PIK3CA: variants seen among roughly 807,000 people sequenced by gnomAD.
PIK3CA encodes phosphatidylinositol-4,5-bisphosphate 3-kinase catalytic subunit alpha.
A neutral mutation model predicts 138.2 loss-of-function variants in PIK3CA; 27 were observed. The ratio of observed to expected loss-of-function variants is 0.20; its 90% CI spans 0.14 to 0.27. PIK3CA has a LOEUF of 0.27. Ranked by LOEUF, PIK3CA falls within the 10% of genes least tolerant of loss-of-function variation. The pLI, the probability that PIK3CA is intolerant of heterozygous loss-of-function variation, is 1.00. For missense variants in PIK3CA, 544 were observed against 1,277.4 expected (o/e 0.43, Z 8.75); for synonymous variants, 358 against 413.2 (o/e 0.87, Z 1.62).
In PIK3CA at chr3:179,201,444, A is replaced by G; in HGVS notation, c.717A>G (p.Leu239=). 1 of 1,613,826 alleles carries G rather than the reference A, an allele frequency of 6.2e-7. No homozygotes were observed. The highest frequency in any genetic ancestry group is 8.5e-7 in the Non-Finnish European group (1 of 1,179,786). ...GTATGTTGCTATCCTCTGAACAACT[A>G]AAACTCTGTGTTTTAGAATATCAGG... ...TRSMLLSSEQ[L]KLCVLEYQGK... is the part of the protein sequence containing the mutation. Residue 239 remains leucine, a synonymous_variant, in exon 4 of 21, where the codon CTA becomes CTG. Transcript: ENST00000263967.
At chr3:179,168,412 C>T (rs942767927) in intron 1 of PIK3CA, among the ~76,000 whole-genome samples, 5 of 152,118 alleles carry the variant, frequency 3.3e-5, no homozygotes, top group African/African-American at 1.2e-4. Flanking sequence ...GTTTTTCCAT[C>T]TCTGAAAGCT....
intron 3 of PIK3CA, among the ~76,000 whole-genome samples, chr3:179,200,707 G>A (rs1724388919): frequency 6.6e-6 from 1 of 152,062 alleles, no homozygotes; most frequent in African/African-American, 2.4e-5. Flanking sequence ...GAAATGTACT[G>A]TGAACAACCA....
At chr3:179,149,218 C>T (rs768993484) in intron 1 of PIK3CA, among the ~76,000 whole-genome samples, 2 of 152,188 alleles carry the variant, frequency 1.3e-5, no homozygotes, top group African/African-American at 2.4e-5. Context: ...GAGACAAACG[C>T]TTAGATCTTT....
In PIK3CA at chr3:179,234,432, C is replaced by G. The variant is rs202178025; in HGVS notation, c.*68C>G. 2.2e-6 allele frequency: 3 copies of G among 1,359,992 alleles called. No homozygotes were observed. Among genetic ancestry groups the G allele is most frequent in the Admixed American group, 2.1e-5 (1 of 47,018 alleles). The allele number at this position is 1,359,992 out of a possible 1,614,324, so 84.2% of individuals were successfully genotyped here. ...TGCACTGTTAATAACTCTCAGCAGG[C>G]AAAGACCGATTGCATAGGAATTGCA... On this transcript the variant is annotated 3_prime_UTR_variant, in exon 21 of 21. Coordinates refer to ENST00000263967, the MANE Select transcript of PIK3CA (RefSeq NM_006218.4). This position sits in a 1 kb window ranked among gnomAD's most constrained non-coding sequence, Gnocchi z 5.1.
chr3:179,179,861 A>G (rs1256866670), intron 1 of PIK3CA, among the ~76,000 whole-genome samples: 1 of 152,192 alleles, frequency 6.6e-6, no homozygotes, highest in Non-Finnish European at 1.5e-5. Context: ...AAGTTTAATA[A>G]GACTGTGAAG....
chr3:179,200,047 A>G, intron 3 of PIK3CA, 148 bp downstream of exon 3: 1 of 488,074 alleles, frequency 2.0e-6, no homozygotes, highest in Non-Finnish European at 3.6e-6. Context: ...GATATAGTTG[A>G]GTGCTAAATA....
chr3:179,206,444 G>A (rs1232622826), intron 6 of PIK3CA, among the ~76,000 whole-genome samples: 2 of 152,086 alleles, frequency 1.3e-5, no homozygotes, highest in East Asian at 3.8e-4. Context: ...GGTGGTTGTA[G>A]CAGGAAAAGA....
intron 1 of PIK3CA, among the ~76,000 whole-genome samples, chr3:179,192,518 G>C (rs754888194): frequency 1.3e-5 from 2 of 152,208 alleles, no homozygotes; most frequent in African/African-American, 4.8e-5. Context: ...AGTTTGCAGA[G>C]GCAGGGTTTG....
intron 1 of PIK3CA, among the ~76,000 whole-genome samples, chr3:179,188,852 C>T (rs1724055735): frequency 6.6e-6 from 1 of 152,026 alleles, no homozygotes. Flanking sequence ...AATGTTTAGT[C>T]ACATTTTGAG....
intron 1 of PIK3CA, among the ~76,000 whole-genome samples, chr3:179,191,964 TAC>T (rs1724148239): frequency 6.6e-6 from 1 of 152,192 alleles, no homozygotes; most frequent in Non-Finnish European, 1.5e-5. Context: ...TTAAACATAA[TAC>T]ACTTTTGAAA....
At chr3:179,218,431 G>A (rs2108408788) in intron 10 of PIK3CA, 97 bp downstream of exon 10, 7 of 899,060 alleles carry the variant, frequency 7.8e-6, no homozygotes, top group Non-Finnish European at 9.8e-6. Flanking sequence ...CATACCTATT[G>A]GAATAAATAA....
chr3:179,177,027 A>G (rs1723714127), intron 1 of PIK3CA, among the ~76,000 whole-genome samples: 1 of 152,008 alleles, frequency 6.6e-6, no homozygotes, highest in Non-Finnish European at 1.5e-5. Context: ...TTTTATTTGC[A>G]TTTTTAAATA....
rs200694869 is a variant in PIK3CA at position 179,219,601 on chromosome 3, A to G, written c.1777A>G (p.Ile593Val). 5.1e-6 allele frequency: 8 copies of G among 1,567,002 alleles called. No homozygotes were observed. Among genetic ancestry groups the G allele is most frequent in the Middle Eastern group, 1.7e-4 (1 of 5,972 alleles). ...MYCLVKDWPP[I>V]KPEQAMELLD... ...TTGCTTGGTAAAAGATTGGCCTCCA[A>G]TCAAACCTGAACAGGCTATGGAACT... The change falls in exon 12 of 21, where the codon ATC becomes GTC. Residue 593 changes from isoleucine to valine, a missense_variant. By Grantham distance (29) the Ile-to-Val change is conservative. Coordinates refer to ENST00000263967, the MANE Select transcript of PIK3CA (RefSeq NM_006218.4). This position sits in a 1 kb window ranked among gnomAD's most constrained non-coding sequence, Gnocchi z 4.2.
At chr3:179,189,759 A>G (rs1724080502) in intron 1 of PIK3CA, among the ~76,000 whole-genome samples, 2 of 152,178 alleles carry the variant, frequency 1.3e-5, no homozygotes, top group African/African-American at 4.8e-5. Context: ...TTCCTCACTA[A>G]AGGAATTTAA....
At chr3:179,154,454 C>G (rs1486341936) in intron 1 of PIK3CA, among the ~76,000 whole-genome samples, 1 of 152,140 alleles carries the variant, frequency 6.6e-6, no homozygotes, top group Non-Finnish European at 1.5e-5. Flanking sequence ...AGTTTCATCC[C>G]CAAACCATCG....
chr3:179,218,126 T>G (rs1724882691), intron 9 of PIK3CA, 84 bp from the exon 10 acceptor site: 1 of 1,261,102 alleles, frequency 7.9e-7, no homozygotes, highest in Non-Finnish European at 1.0e-6. Flanking sequence ...GAAAATGTAT[T>G]TGCTTTTTCT....
intron 6 of PIK3CA, 131 bp from the exon 7 acceptor site, chr3:179,209,464 G>A: frequency 1.9e-6 from 1 of 521,126 alleles, no homozygotes; most frequent in Non-Finnish European, 3.5e-6. Flanking sequence ...CTTATAAAGT[G>A]CCTTTTCCAA....
chr3:179,175,411 TA>T (rs769252757), intron 1 of PIK3CA, among the ~76,000 whole-genome samples: 4 of 152,342 alleles, frequency 2.6e-5, no homozygotes, highest in South Asian at 4.1e-4. Context: ...TGGAAGTGAT[TA>T]ATCTCTTCTC....
intron 1 of PIK3CA, among the ~76,000 whole-genome samples, chr3:179,179,727 G>C (rs1723792516): frequency 6.6e-6 from 1 of 152,018 alleles, no homozygotes; most frequent in Non-Finnish European, 1.5e-5. Flanking sequence ...ATACATATTT[G>C]GATAGGAAAA....
Sources: allele counts gnomAD v4.1 joint callset (sites outside exome capture counted in the v4.1 genomes callset), GRCh38; gene constraint gnomAD v4.1.1; non-coding constraint Gnocchi (gnomAD v3.1); transcripts MANE v1.5; gene names NCBI Gene and HGNC (gene_info 2026-07-23, HGNC 2026-07-21).